The following ISM1 variants were observed in gnomAD, a reference collection of about 807,000 sequenced individuals.
ISM1 encodes the protein isthmin 1.
In ISM1, 25 loss-of-function variants were observed where a neutral mutation model predicts 46.3. The observed-to-expected ratio is 0.54, with a 90% confidence interval of 0.39 to 0.75. ISM1 has a LOEUF of 0.75. ISM1 is among the 30% of genes least tolerant of loss of function. The probability of loss-of-function intolerance (pLI) is 0.00; values close to 1 mark genes in which losing one functional copy is unlikely to be tolerated. For synonymous variants in ISM1, 255 were observed against 256.7 expected (o/e 0.99, Z 0.06); for missense variants, 536 against 625.4 (o/e 0.86, Z 1.52).
At chr20:13,287,093 G>C (rs1475163709) in intron 3 of ISM1, among the ~76,000 whole-genome samples, 1 of 151,708 alleles carries the variant, frequency 6.6e-6, no homozygotes, top group African/African-American at 2.4e-5. Flanking sequence ...CTTTACTTTT[G>C]ATAAGAGGAA....
chr20:13,246,272 C>CA (rs34312426), intron 1 of ISM1, among the ~76,000 whole-genome samples: 3,058 of 120,992 alleles, frequency 0.025, 47 homozygotes, highest in African/African-American at 0.028. Context: ...GACTCCATCT[C>CA]AAAAAAAAAA....
At position 13,299,697 on chromosome 20, in the gene ISM1, CAGA is replaced by C. The variant is rs2040442023; in HGVS notation, c.*241_*243del. ...AAGTGCCCCTGGGGAGCGATGTGGG[CAGA>C]AGGATGGGGACAACTTGGAAGCCAG... On this transcript the variant is annotated 3_prime_UTR_variant, in exon 6 of 6. Transcript: ENST00000262487. The surrounding 1 kb of genome is among the most constrained non-coding windows in gnomAD (Gnocchi z 5.8). 1 of 433,196 alleles carries C rather than the reference CAGA, an allele frequency of 2.3e-6. No homozygotes were observed. The highest frequency in any genetic ancestry group is 1.9e-5 in the African/African-American group (1 of 51,862). 26.8% of individuals were successfully genotyped at this position (433,196 alleles called of 1,614,324 possible).
intron 5 of ISM1, among the ~76,000 whole-genome samples, chr20:13,295,505 C>T (rs575600734): frequency 3.9e-5 from 6 of 152,304 alleles, no homozygotes; most frequent in Admixed American, 2.6e-4. Flanking sequence ...ACAATGAATG[C>T]TACCTGGAGA....
the ISM1 span, among the ~76,000 whole-genome samples, chr20:13,311,251 A>AGATAGATAGATAGATAGATAGAT: frequency 1.6e-5 from 2 of 127,518 alleles, no homozygotes; most frequent in Non-Finnish European, 3.3e-5. Flanking sequence ...GATGATAGAT[A>AGATAGATAGATAGATAGATAGAT]GATAGATAGA....
At chr20:13,307,909 T>C in the ISM1 span, among the ~76,000 whole-genome samples, 1 of 152,228 alleles carries the variant, frequency 6.6e-6, no homozygotes, top group African/African-American at 2.4e-5. Context: ...GGTGTGCTTT[T>C]GGGTGTGCGT....
chr20:13,242,999 A>G (rs958815618), intron 1 of ISM1, among the ~76,000 whole-genome samples: 1 of 152,192 alleles, frequency 6.6e-6, no homozygotes, highest in African/African-American at 2.4e-5. Flanking sequence ...CATTTTACAC[A>G]ATAAGGTTAA....
At chr20:13,289,848 C>G (rs578061220) in intron 4 of ISM1, among the ~76,000 whole-genome samples, 6 of 152,310 alleles carry the variant, frequency 3.9e-5, no homozygotes, top group Admixed American at 2.6e-4. Flanking sequence ...TATCTTAGAG[C>G]CTTTCAAGAA....
At chr20:13,315,290 T>C in the ISM1 span, among the ~76,000 whole-genome samples, 2 of 152,166 alleles carry the variant, frequency 1.3e-5, no homozygotes, top group African/African-American at 4.8e-5. Context: ...AACTATATGC[T>C]GTCTACAAGG....
intron 1 of ISM1, among the ~76,000 whole-genome samples, chr20:13,251,208 T>A (rs1028006652): frequency 3.3e-5 from 5 of 152,202 alleles, no homozygotes; most frequent in Non-Finnish European, 2.9e-5. Context: ...CCTCTCCTTC[T>A]GATGTTGAAG....
In ISM1 at chr20:13,248,798, G is replaced by A. The variant is rs115203288; in HGVS notation, c.139-21706G>A. 9.2e-3 allele frequency among the ~76,000 whole-genome samples: 1,399 copies of A among 152,320 alleles called. 17 individuals are homozygous for A. The highest frequency in any genetic ancestry group is 0.031 in the African/African-American group (1,307 of 41,576). On this transcript the variant is annotated intron_variant, in intron 1 of 5. Transcript: ENST00000262487. ...GTTCTGCATGACCTGCCATTTGGGG[G>A]TGAGCGGGGGAAGCCAGTGGAATAA...
the ISM1 span, among the ~76,000 whole-genome samples, chr20:13,318,236 A>G: frequency 6.6e-6 from 1 of 152,270 alleles, no homozygotes; most frequent in East Asian, 1.9e-4. Context: ...ATAAAAAGAT[A>G]TTTCACATCA....
At chr20:13,268,547 T>A (rs1315728863) in intron 1 of ISM1, among the ~76,000 whole-genome samples, 1 of 152,170 alleles carries the variant, frequency 6.6e-6, no homozygotes, top group Non-Finnish European at 1.5e-5. Context: ...ACAAAGACAC[T>A]GCCCCCGGCC....
the ISM1 span, among the ~76,000 whole-genome samples, chr20:13,322,583 T>C: frequency 1.3e-5 from 2 of 152,224 alleles, no homozygotes; most frequent in Admixed American, 1.3e-4. Flanking sequence ...AGACGTGCTC[T>C]ATTTTCTCAG....
At chr20:13,228,757 G>A (rs1013542757) in intron 1 of ISM1, among the ~76,000 whole-genome samples, 3 of 152,046 alleles carry the variant, frequency 2.0e-5, no homozygotes, top group Middle Eastern at 6.8e-3. Context: ...CTCTTTTTCT[G>A]GAACTCCTGT....
In ISM1 at chr20:13,299,562, T is replaced by G. The variant is rs2123340385; in HGVS notation, c.*103T>G. The G allele has an allele frequency of 1.0e-6, 1 of 990,614 alleles. No homozygotes were observed. The highest frequency in any genetic ancestry group is 1.5e-5 in the South Asian group (1 of 65,206). The allele number at this position is 990,614 out of a possible 1,614,324, so 61.4% of individuals were successfully genotyped here. ...CGAGACCTTCATAGCTGCGGTCGTG[T>G]ATATTTGTATATACCACATGAGTAT... is the stretch of plus-strand genomic sequence containing the variant. On this transcript the variant is annotated 3_prime_UTR_variant, in exon 6 of 6. Transcript: ENST00000262487. The surrounding 1 kb of genome is among the most constrained non-coding windows in gnomAD (Gnocchi z 5.8).
chr20:13,260,575 T>A (rs2039977896), intron 1 of ISM1, among the ~76,000 whole-genome samples: 1 of 152,036 alleles, frequency 6.6e-6, no homozygotes, highest in South Asian at 2.1e-4. Flanking sequence ...CTCAATTTGA[T>A]GTTTTCAGCA....
At chr20:13,222,062 C>A in intron 1 of ISM1, 148 bp downstream of exon 1, 1 of 799,936 alleles carries the variant, frequency 1.3e-6, no homozygotes, top group Non-Finnish European at 1.7e-6. Flanking sequence ...GCCCGGGCCA[C>A]TTGACTTAGG....
At chr20:13,222,640 G>C (rs982631641) in intron 1 of ISM1, among the ~76,000 whole-genome samples, 6 of 152,180 alleles carry the variant, frequency 3.9e-5, no homozygotes, top group African/African-American at 1.4e-4. Context: ...GGTCGCTTTA[G>C]CAATGGGATT....
At chr20:13,310,491 A>G in the ISM1 span, among the ~76,000 whole-genome samples, 1 of 152,170 alleles carries the variant, frequency 6.6e-6, no homozygotes, top group Admixed American at 6.5e-5. Context: ...AACAGGAAAA[A>G]AAATGTATTG....
Sources: gnomAD v4.1 joint callset for allele counts (sites outside exome capture counted in the v4.1 genomes callset) on GRCh38, gnomAD v4.1.1 for gene constraint, Gnocchi (gnomAD v3.1) non-coding constraint, MANE v1.5 for transcripts, NCBI Gene and HGNC (gene_info 2026-07-23, HGNC 2026-07-21) for gene names.